The following ARHGEF38 variants were observed in gnomAD, a reference collection of about 807,000 sequenced individuals.
ARHGEF38 encodes Rho guanine nucleotide exchange factor (GEF) 38.
A neutral mutation model predicts 79.9 loss-of-function variants in ARHGEF38; 79 were observed. The observed-to-expected ratio is 0.99, with a 90% confidence interval of 0.82 to 1.19. The LOEUF is 1.19. Ranked by LOEUF, ARHGEF38 falls within the 50% of genes most tolerant of loss-of-function variation. ARHGEF38 has a pLI of 0.00. For synonymous variants in ARHGEF38, 366 were observed against 328.3 expected, an observed-to-expected ratio of 1.11 and a Z score of -1.24; for missense variants, 962 against 907.2, an observed-to-expected ratio of 1.06 and a Z score of -0.78.
intron 2 of ARHGEF38, among the ~76,000 whole-genome samples, chr4:105,592,054 C>T (rs183798885): frequency 6.6e-6 from 1 of 152,280 alleles, no homozygotes; most frequent in Non-Finnish European, 1.5e-5. Flanking sequence ...TAGCATCAGA[C>T]TCTGTCACTA....
Position 105,648,603 on chromosome 4 carries a change from A to T in ARHGEF38, c.929A>T (p.Lys310Ile). Reference protein sequence around the residue: ...EDESLKDKLSKLNIHSISKKS... With the variant: ...EDESLKDKLSILNIHSISKKS... ...GAATCACTTAAAGACAAATTGTCTAAACTAAATATTCATTCAATTAGCAAG... is the reference window on the plus strand; with the variant it reads ...GAATCACTTAAAGACAAATTGTCTATACTAAATATTCATTCAATTAGCAAG... Residue 310 changes from lysine (K) to isoleucine (I), a missense_variant, in exon 7 of 14, where the codon AAA (lysine) becomes ATA (isoleucine). By Grantham distance (102) the Lys-to-Ile change is moderately radical. Coordinates refer to ENST00000420470, the MANE Select transcript of ARHGEF38 (RefSeq NM_001242729.2). The T allele has an allele frequency of 6.5e-7, 1 of 1,533,080 alleles. No homozygotes were observed. Among genetic ancestry groups the T allele is most frequent in the Non-Finnish European group, 8.7e-7 (1 of 1,145,626 alleles). 95.0% of individuals were successfully genotyped at this position (1,533,080 alleles called of 1,614,324 possible).
intron 2 of ARHGEF38, among the ~76,000 whole-genome samples, chr4:105,592,734 C>T (rs1727397904): frequency 6.6e-6 from 1 of 152,154 alleles, no homozygotes. Context: ...TCAAACACCC[C>T]TTTTTCTTCT....
chr4:105,561,210 A>C (rs1378386151), intron 1 of ARHGEF38, among the ~76,000 whole-genome samples: 1 of 151,916 alleles, frequency 6.6e-6, no homozygotes, highest in Non-Finnish European at 1.5e-5. Context: ...CAACATGGTG[A>C]GACCCTGTCT....
chr4:105,650,262 C>T (rs762697858), intron 7 of ARHGEF38, among the ~76,000 whole-genome samples: 1 of 152,142 alleles, frequency 6.6e-6, no homozygotes, highest in Non-Finnish European at 1.5e-5. Context: ...ACCTTTCTGG[C>T]TGAGCAGACT....
At chr4:105,601,479 G>A (rs546072885) in intron 2 of ARHGEF38, among the ~76,000 whole-genome samples, 27 of 152,266 alleles carry the variant, frequency 1.8e-4, no homozygotes, top group African/African-American at 6.0e-4. Flanking sequence ...ACAGGGAAAT[G>A]AGACAGAGAA....
At chr4:105,627,534 G>T (rs1728997489) in intron 3 of ARHGEF38, among the ~76,000 whole-genome samples, 1 of 152,170 alleles carries the variant, frequency 6.6e-6, no homozygotes, top group Non-Finnish European at 1.5e-5. Flanking sequence ...GGACTTAAAA[G>T]GGTGCATTTT....
At chr4:105,564,737 C>G (rs984290942) in intron 1 of ARHGEF38, among the ~76,000 whole-genome samples, 2 of 152,180 alleles carry the variant, frequency 1.3e-5, no homozygotes, top group Admixed American at 6.5e-5. Context: ...TTGACTCTAT[C>G]TCATCTCTGG....
chr4:105,597,303 A>C (rs867013187), intron 2 of ARHGEF38, among the ~76,000 whole-genome samples: 17 of 152,244 alleles, frequency 1.1e-4, no homozygotes, highest in African/African-American at 3.1e-4. Context: ...AGAAGAAACC[A>C]GATGTAAGCA....
intron 1 of ARHGEF38, among the ~76,000 whole-genome samples, chr4:105,561,018 GCTGCTA>G: frequency 1.3e-5 from 2 of 152,108 alleles, no homozygotes; most frequent in African/African-American, 2.4e-5. Flanking sequence ...ACTATATTTA[GCTGCTA>G]GGAGCTTAGG....
At chr4:105,579,687 G>GT (rs1379381657) in intron 1 of ARHGEF38, among the ~76,000 whole-genome samples, 1 of 152,086 alleles carries the variant, frequency 6.6e-6, no homozygotes, top group Admixed American at 6.6e-5. Flanking sequence ...TTGGCCTGAA[G>GT]TTTTCTTTAT....
At chr4:105,586,069 A>C in intron 1 of ARHGEF38, among the ~76,000 whole-genome samples, 1 of 152,052 alleles carries the variant, frequency 6.6e-6, no homozygotes, top group East Asian at 1.9e-4. Flanking sequence ...GACGGGCTAT[A>C]GCTGACTGCT....
chr4:105,653,925 A>G (rs1483850260), intron 7 of ARHGEF38, 140 bp from the exon 8 acceptor site: 1 of 424,844 alleles, frequency 2.4e-6, no homozygotes, highest in Non-Finnish European at 4.2e-6. Context: ...AGTATGTGTT[A>G]AGACAGACAG....
chr4:105,561,425 G>GAATAT (rs1725546627), intron 1 of ARHGEF38, among the ~76,000 whole-genome samples: 1 of 18,470 alleles, frequency 5.4e-5, no homozygotes, highest in Non-Finnish European at 1.0e-4. Flanking sequence ...GAATAGAATG[G>GAATAT]AATAGAATAG....
At chr4:105,668,529 T>A (rs1347605824) in intron 13 of ARHGEF38, among the ~76,000 whole-genome samples, 1 of 152,214 alleles carries the variant, frequency 6.6e-6, no homozygotes, top group Admixed American at 6.5e-5. Context: ...TCAGAAAGGT[T>A]CAGTATACTT....
chr4:105,618,066 C>T (rs1165675088), intron 3 of ARHGEF38, among the ~76,000 whole-genome samples: 2 of 151,876 alleles, frequency 1.3e-5, no homozygotes, highest in African/African-American at 2.4e-5. Context: ...AAAGATAATG[C>T]CTATAAAAAT....
chr4:105,682,277 G>T (rs1231475048), downstream of ARHGEF38, among the ~76,000 whole-genome samples: 1 of 152,090 alleles, frequency 6.6e-6, no homozygotes, highest in African/African-American at 2.4e-5. Context: ...TGAAATAATT[G>T]GGAGGGAGAG....
chr4:105,675,897 C>T (rs1347251519), intron 13 of ARHGEF38, among the ~76,000 whole-genome samples: 4 of 152,180 alleles, frequency 2.6e-5, no homozygotes, highest in African/African-American at 9.7e-5. Flanking sequence ...AGGCTAATCA[C>T]CTCCCCAAGG....
chr4:105,557,308 C>A (rs938076505), intron 1 of ARHGEF38, among the ~76,000 whole-genome samples: 6 of 151,886 alleles, frequency 4.0e-5, no homozygotes, highest in African/African-American at 1.2e-4. Context: ...GTACTTGAGA[C>A]ACTTTTTTGC....
chr4:105,575,013 T>TACAC lies in ARHGEF38; in HGVS notation c.197-14214_197-14211dup, dbSNP rs3056772. Among the ~76,000 whole-genome samples the TACAC allele has an allele frequency of 2.7e-3, 406 of 149,408 alleles. 2 individuals carry two copies. The highest frequency in any genetic ancestry group is 0.014 in the Middle Eastern group (4 of 288). ...ATGTACACACATACACACACATATA[T>TACAC]ACACACACACACACACACACACACC... is the stretch of plus-strand genomic sequence containing the variant. On this transcript the variant is annotated intron_variant, in intron 1 of 13. Transcript: ENST00000420470.
Sources: gnomAD v4.1 joint callset for allele counts (sites outside exome capture counted in the v4.1 genomes callset) on GRCh38, gnomAD v4.1.1 for gene constraint, MANE v1.5 for transcripts, NCBI Gene and HGNC (gene_info 2026-07-23, HGNC 2026-07-21) for gene names.